The following A1CF variants were observed in gnomAD, a reference collection of about 807,000 sequenced individuals.
A1CF encodes APOBEC1 complementation factor.
A neutral mutation model predicts 68.9 loss-of-function variants in A1CF; 48 were observed. The ratio of observed to expected loss-of-function variants is 0.70; its 90% CI spans 0.55 to 0.89. The LOEUF (loss-of-function observed/expected upper bound fraction) is 0.89. Ranked by LOEUF, A1CF falls within the 40% of genes least tolerant of loss-of-function variation. A1CF has a pLI of 0.00. For synonymous variants in A1CF, 272 were observed against 260.4 expected, an observed-to-expected ratio of 1.04 and a Z score of -0.43; for missense variants, 653 against 718.9, an observed-to-expected ratio of 0.91 and a Z score of 1.05.
At chr10:50,871,038 T>G (rs947634293) in intron 1 of A1CF, among the ~76,000 whole-genome samples, 6 of 151,720 alleles carry the variant, frequency 4.0e-5, no homozygotes, top group African/African-American at 1.2e-4. Context: ...TACCCAGTAT[T>G]GGTTTAAAAA....
intron 5 of A1CF, among the ~76,000 whole-genome samples, chr10:50,836,663 A>G (rs372551977): frequency 6.8e-6 from 1 of 146,880 alleles, no homozygotes; most frequent in Non-Finnish European, 1.5e-5. Context: ...TGCATTAGGT[A>G]TATCTCCTAA....
At chr10:50,875,692 C>T (rs765690960) in intron 1 of A1CF, among the ~76,000 whole-genome samples, 19 of 152,206 alleles carry the variant, frequency 1.2e-4, no homozygotes, top group Admixed American at 2.0e-4. Context: ...ACTCCTAGCT[C>T]TATTTCCCAC....
At chr10:50,815,922 CCCA>C in intron 9 of A1CF, 81 bp downstream of exon 9, 2 of 1,455,846 alleles carry the variant, frequency 1.4e-6, no homozygotes, top group Non-Finnish European at 1.9e-6. Context: ...TCCAAGTGGA[CCCA>C]TCCAATGTAT....
rs1486777681 is a variant in A1CF, at chr10:50,804,479, T to C, written c.*2250A>G. On this transcript the variant is annotated 3_prime_UTR_variant, in exon 13 of 13. Transcript: ENST00000373997. ...AAAATCAGAACTTTTGCTCCTAGAATTTGGAATGCTTTTTAGACTCAGTAG... is the reference window on the plus strand; with the variant it reads ...AAAATCAGAACTTTTGCTCCTAGAACTTGGAATGCTTTTTAGACTCAGTAG... The C allele has an allele frequency of 2.0e-5, 3 of 152,184 alleles. No homozygotes were observed. The highest frequency in any genetic ancestry group is 2.1e-4 in the South Asian group (1 of 4,830). The allele number at this position is 152,184 out of a possible 1,614,324, so 9.4% of individuals were successfully genotyped here.
chr10:50,817,466 A>G (rs1838425934), intron 8 of A1CF, among the ~76,000 whole-genome samples: 2 of 152,088 alleles, frequency 1.3e-5, no homozygotes, highest in African/African-American at 2.4e-5. Flanking sequence ...TGTCCCCAGT[A>G]TTATGTATTT....
At position 50,854,854 on chromosome 10, in the gene A1CF, C is replaced by T. The variant is rs553695831; in HGVS notation, c.99+4988G>A. Among the ~76,000 whole-genome samples the T allele has an allele frequency of 8.6e-4, 130 of 151,808 alleles. No individual in the cohort carries two copies. In the South Asian group the frequency reaches 0.026, roughly 30 times the overall value. On this transcript the variant is annotated intron_variant, in intron 3 of 12. Transcript: ENST00000373997. Reference sequence around the variant, plus strand: ...TACGAAAGCAAGGGGACTATCACACCTCAGAAAAATTGATTGTGCTGTAAT... The same window carrying T: ...TACGAAAGCAAGGGGACTATCACACTTCAGAAAAATTGATTGTGCTGTAAT...
chr10:50,860,023 T>C, intron 2 of A1CF, 38 bp from the exon 3 acceptor site: 1 of 1,074,574 alleles, frequency 9.3e-7, no homozygotes, highest in South Asian at 1.3e-5. Context: ...TAAATTACTG[T>C]TGTCAAGTCC....
chr10:50,868,019 G>A (rs564439135), intron 1 of A1CF, among the ~76,000 whole-genome samples: 9 of 152,300 alleles, frequency 5.9e-5, no homozygotes, highest in South Asian at 2.1e-4. Flanking sequence ...ACTGGGGCCC[G>A]TACAGTGAGG....
Position 50,806,301 on chromosome 10 carries a change from T to C in A1CF, c.*428A>G. 6.5e-6 allele frequency: 1 copy of C among 152,766 alleles called. No individual in the cohort carries two copies. Among genetic ancestry groups the C allele is most frequent in the Non-Finnish European group, 1.5e-5 (1 of 68,400 alleles). 9.5% of individuals were successfully genotyped at this position (152,766 alleles called of 1,614,324 possible). A position where few individuals can be genotyped will look rare whatever the true frequency, so the allele number is the denominator to read the frequency against. On this transcript the variant is annotated 3_prime_UTR_variant, in exon 13 of 13. Coordinates refer to ENST00000373997, the MANE Select transcript of A1CF (RefSeq NM_014576.4). ...CCTTCCCTTTTCCTCTTTGTGACTT[T>C]GTGTATCACAAAAGCAGCTGTGAGC...
intron 5 of A1CF, among the ~76,000 whole-genome samples, chr10:50,837,960 A>T (rs1450322708): frequency 6.6e-6 from 1 of 152,212 alleles, no homozygotes; most frequent in African/African-American, 2.4e-5. Context: ...ATATCAACAT[A>T]GTGGTTATTT....
At chr10:50,830,481 G>A (rs1178802363) in intron 6 of A1CF, among the ~76,000 whole-genome samples, 7 of 151,870 alleles carry the variant, frequency 4.6e-5, no homozygotes, top group African/African-American at 1.7e-4. Context: ...AAGAAATCAA[G>A]AAAACTGAAA....
At chr10:50,846,128 G>A (rs968617577) in intron 3 of A1CF, among the ~76,000 whole-genome samples, 10 of 152,036 alleles carry the variant, frequency 6.6e-5, no homozygotes, top group African/African-American at 2.4e-4. Context: ...ACTTTTCAGT[G>A]CCAACATGAT....
At chr10:50,831,314 AGAGATAACCTAAG>A (rs1839226166) in intron 6 of A1CF, among the ~76,000 whole-genome samples, 1 of 152,242 alleles carries the variant, frequency 6.6e-6, no homozygotes, top group Non-Finnish European at 1.5e-5. Flanking sequence ...AATGGAGTGA[AGAGATAACCTAAG>A]GAATGGGAAA....
Position 50,813,980 on chromosome 10 carries a change from A to G in A1CF, c.1200T>C (p.Gly400=). The change falls in exon 10 of 13, where the codon GGT becomes GGC. Residue 400 remains glycine (G), a synonymous_variant. Transcript: ENST00000373997. ...TGTCTCCTTTGACCTGGTATCCTCGACCCAGGCCTGTGTATGCCAAATAGC... is the reference window on the plus strand; with the variant it reads ...TGTCTCCTTTGACCTGGTATCCTCGGCCCAGGCCTGTGTATGCCAAATAGC... The part of the protein sequence containing the change: ...GRGYLAYTGL[G]RGYQVKGDKR... The G allele has an allele frequency of 3.7e-6, 6 of 1,613,764 alleles. No individual in the cohort carries two copies. Among genetic ancestry groups the G allele is most frequent in the Non-Finnish European group, 2.5e-6 (3 of 1,179,826 alleles).
chr10:50,828,366 T>C (rs1839072608), intron 6 of A1CF, 71 bp from the exon 7 acceptor site: 7 of 1,288,526 alleles, frequency 5.4e-6, no homozygotes, highest in Middle Eastern at 2.0e-4. Flanking sequence ...TTTATACCAA[T>C]GGTCTTTTAA....
intron 1 of A1CF, among the ~76,000 whole-genome samples, chr10:50,884,163 G>A (rs536256653): frequency 9.2e-5 from 14 of 152,254 alleles, no homozygotes; most frequent in Admixed American, 7.9e-4. Flanking sequence ...ATATAGTGTA[G>A]GAAATGTTGA....
intron 10 of A1CF, among the ~76,000 whole-genome samples, chr10:50,813,462 C>T (rs1838216941): frequency 6.6e-6 from 1 of 152,122 alleles, no homozygotes; most frequent in African/African-American, 2.4e-5. Context: ...AAAAGATGTC[C>T]TAAATGGTCT....
rs1357008968 is a variant in A1CF at position 50,841,920 on chromosome 10, A to G, written c.307T>C (p.Phe103Leu). 1.2e-6 allele frequency: 2 copies of G among 1,612,440 alleles called. No homozygotes were observed. Among genetic ancestry groups the G allele is most frequent in the Non-Finnish European group, 1.7e-6 (2 of 1,178,902 alleles). Residue 103 changes from phenylalanine (F) to leucine (L), a missense_variant, in exon 5 of 13, where the codon TTT (phenylalanine) becomes CTT (leucine). Phe to Leu is a conservative substitution (Grantham distance 22). Transcript: ENST00000373997. ...GNNRGYAFVT[F>L]SNKVEAKNAI... ...TTCTTGGCTTCCACTTTATTTGAAA[A>G]TGTTACAAATGCATATCCTCTATTG...
In A1CF at chr10:50,814,170, A is replaced by G. The variant is rs573453767; in HGVS notation, c.1142-132T>C. The G allele has an allele frequency of 3.4e-4, 311 of 910,114 alleles. 4 individuals are homozygous for G. In the South Asian group the frequency reaches 4.4e-3, roughly 13 times the overall value. The allele number at this position is 910,114 out of a possible 1,614,324, so 56.4% of individuals were successfully genotyped here. A position where few individuals can be genotyped will look rare whatever the true frequency, so the allele number is the denominator to read the frequency against. On this transcript the variant is annotated intron_variant, in intron 9 of 12. Coordinates refer to ENST00000373997, the MANE Select transcript of A1CF (RefSeq NM_014576.4). Reference sequence around the variant, plus strand: ...ATTCACGTTGATTATTGCCCTGAAGATGGGTGGGAGACTCTAGGATTCTAA... The same window carrying G: ...ATTCACGTTGATTATTGCCCTGAAGGTGGGTGGGAGACTCTAGGATTCTAA...
Sources: gnomAD v4.1 joint callset for allele counts (sites outside exome capture counted in the v4.1 genomes callset) on GRCh38, gnomAD v4.1.1 for gene constraint, MANE v1.5 for transcripts, NCBI Gene and HGNC (gene_info 2026-07-23, HGNC 2026-07-21) for gene names.